The following RSPO4 variants were observed in gnomAD, a reference collection of about 807,000 sequenced individuals.
RSPO4 encodes the protein R-spondin-4.
A neutral mutation model predicts 24.8 loss-of-function variants in RSPO4; 23 were observed. That is an observed-to-expected ratio of 0.93 (90% CI 0.67 to 1.31). The LOEUF (loss-of-function observed/expected upper bound fraction) is 1.31. RSPO4 is among the 40% of genes most tolerant of loss of function. The probability of loss-of-function intolerance (pLI) is 0.00; values close to 1 mark genes in which losing one functional copy is unlikely to be tolerated. For missense variants in RSPO4, 333 were observed against 316.5 expected (o/e 1.05, Z -0.39); for synonymous variants, 141 against 127.4 (o/e 1.11, Z -0.72).
At chr20:986,580 G>T (rs1302928215) in intron 1 of RSPO4, among the ~76,000 whole-genome samples, 1 of 145,920 alleles carries the variant, frequency 6.9e-6, no homozygotes, top group Admixed American at 7.4e-5. Context: ...ATAGCTGAAA[G>T]TTACCAGAAA....
chr20:983,264 CAAGGGG>C (rs1391504315), intron 1 of RSPO4, among the ~76,000 whole-genome samples: 200 of 152,346 alleles, frequency 1.3e-3, no homozygotes, highest in African/African-American at 4.8e-3. Context: ...CTGGAGCTTC[CAAGGGG>C]TGGCAGAGAG....
At chr20:984,591 C>T (rs946643121) in intron 1 of RSPO4, among the ~76,000 whole-genome samples, 3 of 152,158 alleles carry the variant, frequency 2.0e-5, no homozygotes, top group Non-Finnish European at 4.4e-5. Context: ...GCCCAATGCT[C>T]CATGCTCCTT....
intron 1 of RSPO4, among the ~76,000 whole-genome samples, chr20:971,614 A>G: frequency 6.6e-6 from 1 of 152,252 alleles, no homozygotes; most frequent in East Asian, 1.9e-4. Flanking sequence ...AGCAAGGTGC[A>G]CGATGAATCA....
At chr20:969,297 G>A (rs985158189) in intron 1 of RSPO4, among the ~76,000 whole-genome samples, 7 of 152,238 alleles carry the variant, frequency 4.6e-5, no homozygotes, top group Non-Finnish European at 1.0e-4. Flanking sequence ...GAGACAGAGT[G>A]AAGCCATGTT....
Position 981,614 on chromosome 20 carries a change from C to T in RSPO4, c.80-13476G>A, listed in dbSNP as rs1414695673. 1.3e-5 allele frequency among the ~76,000 whole-genome samples: 2 copies of T among 152,212 alleles called. No homozygotes were observed. Among genetic ancestry groups the T allele is most frequent in the African/African-American group, 4.8e-5 (2 of 41,448 alleles). On this transcript the variant is annotated intron_variant, in intron 1 of 4. Coordinates refer to ENST00000217260, the MANE Select transcript of RSPO4 (RefSeq NM_001029871.4). The surrounding 1 kb of genome is among the most constrained non-coding windows in gnomAD (Gnocchi z 4.6). ...TTCGCCACTCATAGGAGGGGCATTT[C>T]CCCAAGCAGCCTGAGTTGGGGACAG...
At chr20:991,046 G>T (rs961315790) in intron 1 of RSPO4, among the ~76,000 whole-genome samples, 5 of 152,186 alleles carry the variant, frequency 3.3e-5, no homozygotes. Context: ...AGAATCCCTC[G>T]CGGGAAGGGT....
At chr20:965,942 A>G (rs946907712) in intron 3 of RSPO4, among the ~76,000 whole-genome samples, 27 of 152,140 alleles carry the variant, frequency 1.8e-4, no homozygotes, top group African/African-American at 6.0e-4. Context: ...AACAGATTGG[A>G]TTGAATATAG....
intron 1 of RSPO4, among the ~76,000 whole-genome samples, chr20:992,032 G>GGGAC (rs138381210): frequency 0.33 from 50,021 of 151,574 alleles, 8,833 homozygotes; most frequent in Admixed American, 0.46. Flanking sequence ...GGAGTGAGAG[G>GGGAC]GGACGAGGAA....
At chr20:969,734 G>A (rs547402375) in intron 1 of RSPO4, among the ~76,000 whole-genome samples, 1 of 152,272 alleles carries the variant, frequency 6.6e-6, no homozygotes, top group South Asian at 2.1e-4. Context: ...AGAGGCAGCA[G>A]GGGAGACCAC....
intron 1 of RSPO4, among the ~76,000 whole-genome samples, chr20:991,409 CAA>C (rs1985098176): frequency 6.6e-6 from 1 of 152,090 alleles, no homozygotes; most frequent in Admixed American, 6.5e-5. Context: ...GAGGACTCTA[CAA>C]AGTCAGATTA....
chr20:968,416 T>C (rs1240423169), intron 1 of RSPO4, among the ~76,000 whole-genome samples: 2 of 152,088 alleles, frequency 1.3e-5, no homozygotes, highest in African/African-American at 4.8e-5. Flanking sequence ...TTCTGTTGGG[T>C]GGAATGTGAA....
chr20:994,325 G>A (rs964994270), intron 1 of RSPO4, among the ~76,000 whole-genome samples: 4 of 152,186 alleles, frequency 2.6e-5, no homozygotes, highest in Non-Finnish European at 5.9e-5. Flanking sequence ...ATGTCCTGAT[G>A]GTGCCTATAG....
At chr20:969,327 A>G (rs559190498) in intron 1 of RSPO4, among the ~76,000 whole-genome samples, 3 of 152,312 alleles carry the variant, frequency 2.0e-5, no homozygotes, top group Non-Finnish European at 4.4e-5. Flanking sequence ...GAAGAAAATA[A>G]AAAGAAGTGG....
chr20:989,145 A>G (rs1985014369), intron 1 of RSPO4, among the ~76,000 whole-genome samples: 1 of 152,040 alleles, frequency 6.6e-6, no homozygotes, highest in Admixed American at 6.6e-5. Context: ...CCAAGTTGAG[A>G]ATAGGTAGTA....
In RSPO4 at chr20:960,421, C is replaced by T. The variant is rs377200892; in HGVS notation, c.641G>A (p.Arg214His). 49 of 1,539,732 alleles carry T rather than the reference C, an allele frequency of 3.2e-5. No individual in the cohort carries two copies. Among genetic ancestry groups the T allele is most frequent in the Middle Eastern group, 1.7e-4 (1 of 5,974 alleles). ...QKKGRKDRRPRKDRKLDRRLD... is the reference protein window; with the variant it reads ...QKKGRKDRRPHKDRKLDRRLD... ...CCTGCGGTCCAGCTTCCTGTCCTTGCGTGGGCGCCGGTCCTTCCTGCCCTT... is the reference window on the plus strand; with the variant it reads ...CCTGCGGTCCAGCTTCCTGTCCTTGTGTGGGCGCCGGTCCTTCCTGCCCTT... Residue 214 changes from arginine (R) to histidine (H), a missense_variant, in exon 5 of 5, where the codon CGC becomes CAC. Coordinates refer to ENST00000217260, the MANE Select transcript of RSPO4 (RefSeq NM_001029871.4).
chr20:964,681 T>C (rs6056268), intron 3 of RSPO4, among the ~76,000 whole-genome samples: 43,840 of 149,720 alleles, frequency 0.29, 11,745 homozygotes, highest in African/African-American at 0.72. Flanking sequence ...CATATATACA[T>C]GTATATATAT....
chr20:990,414 A>T (rs1371877678), intron 1 of RSPO4, among the ~76,000 whole-genome samples: 1 of 151,928 alleles, frequency 6.6e-6, no homozygotes, highest in Admixed American at 6.6e-5. Flanking sequence ...TTGCACACAA[A>T]CATCCCAAGT....
rs1984239005 is a variant in RSPO4, at chr20:967,232, C to T, written c.351G>A (p.Lys117=). 3 of 1,614,244 alleles carry T rather than the reference C, an allele frequency of 1.9e-6. No individual in the cohort carries two copies. The highest frequency in any genetic ancestry group is 2.5e-6 in the Non-Finnish European group (3 of 1,180,042). The change falls in exon 3 of 5, where the codon AAG becomes AAA. Residue 117 remains lysine, a synonymous_variant. Coordinates refer to ENST00000217260, the MANE Select transcript of RSPO4 (RefSeq NM_001029871.4). ...TGCCCGGCGGGCAGGTGGGCAGACA[C>T]TTCCCCTTGTACAAGTAAAACTGCC... The part of the protein sequence containing the change: ...CKRQFYLYKG[K]CLPTCPPGTL...
intron 1 of RSPO4, among the ~76,000 whole-genome samples, chr20:982,756 C>T (rs894519568): frequency 6.6e-6 from 1 of 152,204 alleles, no homozygotes; most frequent in Admixed American, 6.5e-5. Flanking sequence ...CTGTGTATGA[C>T]GTGCCCAGCA....
Sources: gnomAD v4.1 joint callset for allele counts (sites outside exome capture counted in the v4.1 genomes callset) on GRCh38, gnomAD v4.1.1 for gene constraint, Gnocchi (gnomAD v3.1) non-coding constraint, MANE v1.5 for transcripts, NCBI Gene and HGNC (gene_info 2026-07-23, HGNC 2026-07-21) for gene names.